Variants in SLC4A4 observed in about 807,000 individuals in gnomAD.
SLC4A4 encodes the protein solute carrier family 4 member 4.
In SLC4A4, 27 loss-of-function variants were observed where a neutral mutation model predicts 111.5. The ratio of observed to expected loss-of-function variants is 0.24; its 90% CI spans 0.18 to 0.33. The LOEUF is 0.33. SLC4A4 is among the 10% of genes least tolerant of loss of function. The probability of loss-of-function intolerance (pLI) is 1.00; values close to 1 mark genes in which losing one functional copy is unlikely to be tolerated. For missense variants in SLC4A4, 909 were observed against 1,315.5 expected (o/e 0.69, Z 4.78); for synonymous variants, 443 against 463.4 (o/e 0.96, Z 0.57).
chr4:71,497,378 G>C (rs762109271), intron 15 of SLC4A4, 123 bp from the exon 16 acceptor site: 140 of 783,942 alleles, frequency 1.8e-4, no homozygotes, highest in Non-Finnish European at 2.7e-4. Flanking sequence ...TCACCCTCCA[G>C]TGCTTATTTT....
chr4:71,310,628 A>G (rs532322985), intron 3 of SLC4A4, among the ~76,000 whole-genome samples: 3 of 152,352 alleles, frequency 2.0e-5, no homozygotes, highest in South Asian at 2.1e-4. Flanking sequence ...CTTTGCATAA[A>G]TGCTGAGGGA....
rs78446486 is a variant in SLC4A4 at position 71,343,399 on chromosome 4, G to A, written c.389+3894G>A. Among the ~76,000 whole-genome samples, 1,409 of 152,178 alleles carry A rather than the reference G, an allele frequency of 9.3e-3. 25 individuals carry two copies. Among genetic ancestry groups the A allele is most frequent in the African/African-American group, 0.032 (1,346 of 41,522 alleles). ...ATGATATCTGCATTTATAAAAGCAC[G>A]GATATAATTCCTTATTTAATTGGAA... is the stretch of plus-strand genomic sequence containing the variant. On this transcript the variant is annotated intron_variant, in intron 4 of 25. Transcript: ENST00000264485.
At chr4:71,515,770 T>C (rs1732323184) in intron 16 of SLC4A4, among the ~76,000 whole-genome samples, 3 of 152,182 alleles carry the variant, frequency 2.0e-5, no homozygotes, top group Non-Finnish European at 2.9e-5. Context: ...TTATCTTACG[T>C]AAGTATAGCT....
At chr4:71,371,245 C>CTT (rs71213506) in intron 6 of SLC4A4, among the ~76,000 whole-genome samples, 1,459 of 120,016 alleles carry the variant, frequency 0.012, 37 homozygotes, top group Non-Finnish European at 0.016. Context: ...CCAGGAATGC[C>CTT]TTTTTTTTTT....
At chr4:71,182,321 A>G (rs1298646463), upstream of SLC4A4, among the ~76,000 whole-genome samples, 2 of 152,210 alleles carry the variant, frequency 1.3e-5, no homozygotes, top group Admixed American at 6.5e-5. Context: ...CCAACGTTTA[A>G]TATTCAGATT....
chr4:71,377,108 G>A (rs986803462), intron 6 of SLC4A4, among the ~76,000 whole-genome samples: 2 of 152,126 alleles, frequency 1.3e-5, no homozygotes, highest in African/African-American at 4.8e-5. Flanking sequence ...AAAATTTTTA[G>A]TTTTAATTCC....
At chr4:71,454,771 G>A (rs529553134) in intron 12 of SLC4A4, among the ~76,000 whole-genome samples, 1 of 152,176 alleles carries the variant, frequency 6.6e-6, no homozygotes, top group East Asian at 1.9e-4. Flanking sequence ...TGCATAGCAT[G>A]TTACCCCAAA....
chr4:71,120,965 C>G (rs889638198), intron 2 of SLC4A4, among the ~76,000 whole-genome samples: 5 of 152,212 alleles, frequency 3.3e-5, no homozygotes, highest in African/African-American at 1.2e-4. Context: ...GCACGCCGCC[C>G]TCGCGGGCCA....
chr4:71,411,033 A>G (rs1721318163), intron 7 of SLC4A4, among the ~76,000 whole-genome samples: 1 of 152,186 alleles, frequency 6.6e-6, no homozygotes, highest in South Asian at 2.1e-4. Context: ...GAGTGTACAG[A>G]AAGTGTCACT....
At chr4:71,339,252 T>C (rs1728689216) in intron 3 of SLC4A4, 118 bp from the exon 4 acceptor site, 15 of 1,614,070 alleles carry the variant, frequency 9.3e-6, no homozygotes, top group African/African-American at 1.3e-5. Context: ...AGGAAAGATG[T>C]CCACTGAAAA....
intron 1 of SLC4A4, among the ~76,000 whole-genome samples, chr4:71,219,489 A>G (rs1718616630): frequency 6.6e-6 from 1 of 152,248 alleles, no homozygotes. Context: ...ATAAAGAGGT[A>G]CAAGGAGATG....
At chr4:71,292,325 T>G (rs1367531036) in intron 3 of SLC4A4, among the ~76,000 whole-genome samples, 1 of 152,174 alleles carries the variant, frequency 6.6e-6, no homozygotes, top group African/African-American at 2.4e-5. Flanking sequence ...TAGCTCAGTT[T>G]TATGTTCAGA....
chr4:71,091,131 A>G (rs1420888473), intron 1 of SLC4A4, among the ~76,000 whole-genome samples: 7 of 152,038 alleles, frequency 4.6e-5, no homozygotes, highest in Non-Finnish European at 8.8e-5. Context: ...TATTTTTAGT[A>G]GAGATGAGGT....
intron 2 of SLC4A4, among the ~76,000 whole-genome samples, chr4:71,110,765 C>G (rs1373152161): frequency 6.6e-6 from 1 of 152,030 alleles, no homozygotes; most frequent in Non-Finnish European, 1.5e-5. Context: ...TTGGGAGGCT[C>G]TAGATTCTTT....
intron 2 of SLC4A4, among the ~76,000 whole-genome samples, chr4:71,143,122 C>T (rs1472652095): frequency 9.2e-5 from 14 of 152,006 alleles, no homozygotes; most frequent in Admixed American, 2.6e-4. Context: ...CAACCATCCC[C>T]GGTGTGTGAT....
At chr4:71,301,469 A>T (rs1725251402) in intron 3 of SLC4A4, among the ~76,000 whole-genome samples, 1 of 152,134 alleles carries the variant, frequency 6.6e-6, no homozygotes, top group South Asian at 2.1e-4. Context: ...TGCTGTGCAC[A>T]CTCTGCAGGA....
At chr4:71,074,833 C>G (rs1161957004) in intron 1 of SLC4A4, among the ~76,000 whole-genome samples, 1 of 152,210 alleles carries the variant, frequency 6.6e-6, no homozygotes, top group Non-Finnish European at 1.5e-5. Flanking sequence ...TCAGCAGGGA[C>G]TGCTAAAAAT....
At chr4:71,096,565 G>A (rs1742560734) in intron 2 of SLC4A4, among the ~76,000 whole-genome samples, 1 of 152,082 alleles carries the variant, frequency 6.6e-6, no homozygotes, top group Admixed American at 6.6e-5. Context: ...TAAAAAAATC[G>A]TTAGTGCAAA....
rs1338478922 is a variant in SLC4A4, at chr4:71,355,297, CTGTT to C, written c.551-1701_551-1698del. ...AACACTCATAGCAGACATGGTGGGA[CTGTT>C]TGTTTGTTTTTCTGGTTCTTCTGTA... On this transcript the variant is annotated intron_variant, in intron 5 of 25. Transcript: ENST00000264485. 3.3e-5 allele frequency among the ~76,000 whole-genome samples: 5 copies of C among 152,256 alleles called. No individual in the cohort carries two copies. In the East Asian group the frequency reaches 5.8e-4, roughly 18 times the overall value.
Sources: gnomAD v4.1 joint callset for allele counts (sites outside exome capture counted in the v4.1 genomes callset) on GRCh38, gnomAD v4.1.1 for gene constraint, MANE v1.5 for transcripts, NCBI Gene and HGNC (gene_info 2026-07-23, HGNC 2026-07-21) for gene names.